The following OPHN1 variants were observed in gnomAD, a reference collection of about 807,000 sequenced individuals.
OPHN1 encodes oligophrenin 1.
In OPHN1, 11 loss-of-function variants were observed where a neutral mutation model predicts 60.7. That is an observed-to-expected ratio of 0.18 (90% CI 0.11 to 0.30). OPHN1 has a LOEUF of 0.30. OPHN1 is among the 10% of genes least tolerant of loss of function. OPHN1 has a pLI of 1.00. For synonymous variants in OPHN1, 226 were observed against 222.6 expected (o/e 1.02, Z -0.14); for missense variants, 449 against 611.0 (o/e 0.73, Z 2.80).
intron 16 of OPHN1, among the ~76,000 whole-genome samples, chrX:68,115,780 T>C: frequency 9.0e-6 from 1 of 111,680 alleles, no homozygotes; most frequent in Non-Finnish European, 1.9e-5. Flanking sequence ...AGAGTGAAAC[T>C]GTGTACAATA....
intron 15 of OPHN1, among the ~76,000 whole-genome samples, chrX:68,129,265 G>A (rs2077184161): frequency 9.0e-6 from 1 of 111,213 alleles, no homozygotes; most frequent in Non-Finnish European, 1.9e-5. Context: ...GAGGTGCACT[G>A]GGGTCATGAT....
At chrX:68,209,527 T>C (rs746332749) in intron 9 of OPHN1, among the ~76,000 whole-genome samples, 1 of 111,115 alleles carries the variant, frequency 9.0e-6, no homozygotes, top group Non-Finnish European at 1.9e-5. Context: ...GATGGTGCCA[T>C]TGCACTCCAA....
intron 15 of OPHN1, among the ~76,000 whole-genome samples, chrX:68,168,157 T>C (rs1398227608): frequency 4.5e-5 from 5 of 110,802 alleles, no homozygotes; most frequent in African/African-American, 1.3e-4. Flanking sequence ...ACGGACCTAA[T>C]AGACATCTAC....
chrX:68,110,546 T>C (rs1350762164), intron 18 of OPHN1, among the ~76,000 whole-genome samples: 1 of 111,094 alleles, frequency 9.0e-6, no homozygotes. Context: ...GCCCAGAGAG[T>C]GGGAGGAACT....
chrX:68,234,217 T>G (rs1405844869), intron 6 of OPHN1, among the ~76,000 whole-genome samples: 1 of 111,006 alleles, frequency 9.0e-6, no homozygotes, highest in Non-Finnish European at 1.9e-5. Flanking sequence ...GACTTGCAAT[T>G]GAAAGGGACT....
chrX:68,293,292 A>G (rs2078078726), intron 3 of OPHN1, among the ~76,000 whole-genome samples: 1 of 111,970 alleles, frequency 8.9e-6, no homozygotes, highest in Non-Finnish European at 1.9e-5. Flanking sequence ...CTTTATCTCA[A>G]CCAAGAGGTT....
intron 2 of OPHN1, among the ~76,000 whole-genome samples, chrX:68,430,778 C>T (rs1169131356): frequency 9.1e-6 from 1 of 110,413 alleles, no homozygotes; most frequent in Admixed American, 9.7e-5. Flanking sequence ...GAGCTGAGAT[C>T]ATGCCACTGC....
At chrX:68,301,616 A>T (rs1255458645) in intron 2 of OPHN1, among the ~76,000 whole-genome samples, 1 of 111,486 alleles carries the variant, frequency 9.0e-6, no homozygotes, top group Non-Finnish European at 1.9e-5. Context: ...GAATCCATAG[A>T]TAACCTAGAA....
chrX:68,247,007 G>C (rs1468868794), intron 5 of OPHN1, among the ~76,000 whole-genome samples: 1 of 111,631 alleles, frequency 9.0e-6, no homozygotes, highest in African/African-American at 3.3e-5. Context: ...TACTCACCTT[G>C]AGAGGATATA....
At chrX:68,229,966 G>T (rs1242004077) in intron 6 of OPHN1, among the ~76,000 whole-genome samples, 4 of 112,055 alleles carry the variant, frequency 3.6e-5, no homozygotes, top group African/African-American at 1.3e-4. Flanking sequence ...TACTGTCAGA[G>T]TGCACAGGCA....
At chrX:68,084,058 G>A (rs1374130705) in intron 19 of OPHN1, among the ~76,000 whole-genome samples, 7 of 110,732 alleles carry the variant, frequency 6.3e-5, no homozygotes, top group Non-Finnish European at 1.9e-5. Flanking sequence ...GACAAGAAGT[G>A]AGCCCATGCT....
chrX:68,139,340 A>T (rs1221481361), intron 15 of OPHN1, among the ~76,000 whole-genome samples: 1 of 112,010 alleles, frequency 8.9e-6, no homozygotes, highest in Non-Finnish European at 1.9e-5. Flanking sequence ...TATGTTTTTT[A>T]AAAGAGGCAC....
At chrX:68,096,595 G>A (rs985985576) in intron 19 of OPHN1, among the ~76,000 whole-genome samples, 1 of 111,362 alleles carries the variant, frequency 9.0e-6, no homozygotes, top group Middle Eastern at 4.6e-3. Flanking sequence ...ACTACACATT[G>A]TTAACACCTT....
intron 3 of OPHN1, among the ~76,000 whole-genome samples, chrX:68,298,277 AC>A: frequency 8.9e-6 from 1 of 111,869 alleles, no homozygotes; most frequent in South Asian, 3.7e-4. Context: ...CCACAAAAAT[AC>A]CCATAGAAAA....
intron 2 of OPHN1, among the ~76,000 whole-genome samples, chrX:68,301,087 T>C (rs1427381631): frequency 9.1e-6 from 1 of 109,720 alleles, no homozygotes; most frequent in Non-Finnish European, 1.9e-5. Flanking sequence ...AAGTAGGAAA[T>C]ACTGTCCTCA....
chrX:68,369,123 G>A (rs1602360261), intron 2 of OPHN1, among the ~76,000 whole-genome samples: 2 of 109,418 alleles, frequency 1.8e-5, no homozygotes, highest in African/African-American at 6.7e-5. Context: ...CAGGAGAATC[G>A]CTTGAACCCG....
chrX:68,335,725 T>TA (rs1200895934), intron 2 of OPHN1, among the ~76,000 whole-genome samples: 2 of 111,087 alleles, frequency 1.8e-5, no homozygotes, highest in Non-Finnish European at 3.8e-5. Context: ...GGTCAGGAGT[T>TA]AGAGACCAGC....
intron 19 of OPHN1, among the ~76,000 whole-genome samples, chrX:68,074,419 TCCA>T (rs1220488464): frequency 1.8e-5 from 2 of 111,771 alleles, no homozygotes; most frequent in Non-Finnish European, 3.8e-5. Context: ...TATTCCTAAT[TCCA>T]CCATCATTAG....
chrX:68,425,010 CT>C (rs1407077852), intron 2 of OPHN1, among the ~76,000 whole-genome samples: 1 of 112,226 alleles, frequency 8.9e-6, no homozygotes, highest in African/African-American at 3.2e-5. Flanking sequence ...TGTAAAATAA[CT>C]CCATGTGCTC....
Sources: gnomAD v4.1 joint callset for allele counts (sites outside exome capture counted in the v4.1 genomes callset) on GRCh38, gnomAD v4.1.1 for gene constraint, MANE v1.5 for transcripts, NCBI Gene and HGNC (gene_info 2026-07-23, HGNC 2026-07-21) for gene names.